BCORL1: variants seen among roughly 807,000 people sequenced by gnomAD.
The protein encoded by BCORL1 is BCL6 corepressor like 1.
In BCORL1, 7 loss-of-function variants were observed where a neutral mutation model predicts 87.6. The observed-to-expected ratio is 0.08, with a 90% confidence interval of 0.05 to 0.15. The LOEUF (loss-of-function observed/expected upper bound fraction) is 0.15, where lower values mean the gene tolerates loss of function less well. Among genes scored for constraint, BCORL1 ranks in the 10% least tolerant of loss-of-function variants. BCORL1 has a pLI of 1.00. For missense variants in BCORL1, 1,215 were observed against 1,499.7 expected (o/e 0.81, Z 3.13); for synonymous variants, 591 against 634.4 (o/e 0.93, Z 1.03).
At chrX:130,037,955 C>T (rs567897692) in intron 10 of BCORL1, among the ~76,000 whole-genome samples, 65 of 111,870 alleles carry the variant, frequency 5.8e-4, no homozygotes, top group African/African-American at 2.0e-3. Flanking sequence ...CACCAGACTG[C>T]GAGTTGCAGA....
chrX:130,037,423 T>C lies in BCORL1; in HGVS notation c.4584T>C (p.Asn1528=), dbSNP rs745843582. Residue 1528 remains asparagine, a synonymous_variant, in exon 10 of 14, where the codon AAT becomes AAC. Coordinates refer to ENST00000540052, the MANE Select transcript of BCORL1 (RefSeq NM_001379451.1). ...GTGAAGATGTGAATCACCGTGACAA[T>C]GCTGGCTACACAGCCCTGCATGAGG... is the stretch of plus-strand genomic sequence containing the variant. ...KDSEDVNHRD[N]AGYTALHEAC... 4 of 1,209,787 alleles carry C rather than the reference T, an allele frequency of 3.3e-6. No homozygotes were observed. Among genetic ancestry groups the C allele is most frequent in the Non-Finnish European group, 1.1e-6 (1 of 895,018 alleles).
intron 9 of BCORL1, among the ~76,000 whole-genome samples, chrX:130,036,720 T>C (rs28496585): frequency 0.11 from 12,004 of 112,291 alleles, 1,578 homozygotes; most frequent in African/African-American, 0.37. Flanking sequence ...ATCTCATTTC[T>C]CTGGTCTGGG....
At chrX:130,043,701 A>G (rs1931483526) in intron 11 of BCORL1, among the ~76,000 whole-genome samples, 1 of 89,791 alleles carries the variant, frequency 1.1e-5, no homozygotes, top group Non-Finnish European at 2.1e-5. Flanking sequence ...CAGCCTCCCC[A>G]CTAGCTGGGA....
In BCORL1 at chrX:130,012,977, A is replaced by G; in HGVS notation, c.205A>G (p.Ser69Gly). ...KVELTAVGSG[S>G]NARGADPDGS... ...GGAGCTCACGGCAGTTGGAAGTGGCAGCAATGCCCGGGGGGCAGACCCAGA... is the reference window on the plus strand; with the variant it reads ...GGAGCTCACGGCAGTTGGAAGTGGCGGCAATGCCCGGGGGGCAGACCCAGA... Residue 69 changes from serine (S) to glycine (G), a missense_variant, in exon 4 of 14, where the codon AGC (serine) becomes GGC (glycine). Physicochemically the swap from Ser to Gly is moderately conservative, Grantham distance 56. This residue lies in a region of BCORL1 where 861 missense variants were observed against 1,010.0 expected (regional missense o/e 0.85). Coordinates refer to ENST00000540052, the MANE Select transcript of BCORL1 (RefSeq NM_001379451.1). The G allele has an allele frequency of 8.3e-7, 1 of 1,199,182 alleles. No homozygotes were observed. Among genetic ancestry groups the G allele is most frequent in the Non-Finnish European group, 1.1e-6 (1 of 886,469 alleles).
intron 5 of BCORL1, among the ~76,000 whole-genome samples, chrX:130,022,351 G>C (rs1929910700): frequency 1.0e-5 from 1 of 98,149 alleles, no homozygotes; most frequent in South Asian, 5.1e-4. Flanking sequence ...AGGTTCAAGT[G>C]ATTCTCCTTC....
At chrX:130,032,503 C>T (rs59375598) in intron 8 of BCORL1, among the ~76,000 whole-genome samples, 6,625 of 111,476 alleles carry the variant, frequency 0.059, 512 homozygotes, top group African/African-American at 0.2. Context: ...GTCATTTCTG[C>T]AGTCTCCTGT....
At chrX:129,997,300 T>C (rs1927636579) in intron 1 of BCORL1, among the ~76,000 whole-genome samples, 1 of 111,453 alleles carries the variant, frequency 9.0e-6, no homozygotes, top group African/African-American at 3.3e-5. Flanking sequence ...TGGCCCATGA[T>C]GGTGAAATAT....
intron 1 of BCORL1, among the ~76,000 whole-genome samples, chrX:129,986,534 A>G (rs1926636324): frequency 8.9e-6 from 1 of 112,272 alleles, no homozygotes; most frequent in African/African-American, 3.2e-5. Flanking sequence ...ATAGAAAAAA[A>G]TGGGCCGGGT....
intron 7 of BCORL1, among the ~76,000 whole-genome samples, chrX:130,025,908 A>G (rs1374574574): frequency 9.0e-6 from 1 of 111,545 alleles, no homozygotes; most frequent in Non-Finnish European, 1.9e-5. Flanking sequence ...GTGATTATTC[A>G]GAGGCGGAGT....
At chrX:130,016,754 C>G (rs1929478463) in intron 4 of BCORL1, among the ~76,000 whole-genome samples, 1 of 111,298 alleles carries the variant, frequency 9.0e-6, no homozygotes, top group African/African-American at 3.3e-5. Flanking sequence ...CGCTCGAATG[C>G]TTGAGGCAGC....
At chrX:130,048,333 T>A (rs1403855376) in intron 11 of BCORL1, among the ~76,000 whole-genome samples, 1 of 111,975 alleles carries the variant, frequency 8.9e-6, no homozygotes, top group East Asian at 2.8e-4. Flanking sequence ...CACCCTCACC[T>A]CACCTGTGCC....
intron 11 of BCORL1, among the ~76,000 whole-genome samples, chrX:130,039,963 G>C (rs184195869): frequency 1.5e-3 from 166 of 112,775 alleles, no homozygotes; most frequent in African/African-American, 5.0e-3. Flanking sequence ...AGTTGGGCAG[G>C]GGGAGGAGGG....
At chrX:129,982,616 A>C (rs773798970), upstream of BCORL1, 1 of 109,580 alleles carries the variant, frequency 9.1e-6, no homozygotes, top group African/African-American at 3.3e-5. Flanking sequence ...AGACACACAC[A>C]CACACCGCTC....
chrX:130,056,139 G>C lies in BCORL1; in HGVS notation c.*3G>C. On this transcript the variant is annotated 3_prime_UTR_variant, in exon 14 of 14. Coordinates refer to ENST00000540052, the MANE Select transcript of BCORL1 (RefSeq NM_001379451.1). The stretch of plus-strand genomic sequence containing the variant: ...AATTCCAGTCTTGCAACAGTTGACC[G>C]GGAAAACAGCCCCTCCTCTTCTTTC... 8.6e-7 allele frequency: 1 copy of C among 1,160,563 alleles called. No individual in the cohort carries two copies. The highest frequency in any genetic ancestry group is 2.0e-5 in the South Asian group (1 of 49,666).
chrX:130,035,636 C>A (rs1930892500), intron 9 of BCORL1, among the ~76,000 whole-genome samples: 1 of 112,224 alleles, frequency 8.9e-6, no homozygotes, highest in Non-Finnish European at 1.9e-5. Flanking sequence ...GCAAGCAGCC[C>A]ATCTTTCATG....
At chrX:130,006,263 A>G (rs1928481510) in intron 2 of BCORL1, among the ~76,000 whole-genome samples, 1 of 111,349 alleles carries the variant, frequency 9.0e-6, no homozygotes, top group African/African-American at 3.3e-5. Context: ...ATCATGCCCC[A>G]TACCCAAAGC....
At position 129,992,457 on chromosome X, in the gene BCORL1, A is replaced by C. The variant is rs144512788; in HGVS notation, c.-45+9695A>C. On this transcript the variant is annotated intron_variant, in intron 1 of 13. Transcript: ENST00000540052. ...AGAGTTGAGACCCAGTCTTAAAATA[A>C]CAACAACAAACTCTTTGAGCTAATA... Among the ~76,000 whole-genome samples, 352 of 111,650 alleles carry C rather than the reference A, an allele frequency of 3.2e-3. 3 individuals are homozygous for C. The highest frequency in any genetic ancestry group is 0.011 in the African/African-American group (338 of 30,755).
intron 11 of BCORL1, among the ~76,000 whole-genome samples, chrX:130,040,773 A>C (rs1381430737): frequency 1.8e-5 from 2 of 111,322 alleles, no homozygotes; most frequent in Non-Finnish European, 3.8e-5. Context: ...GTACACATGC[A>C]CTCTCTCTTA....
intron 10 of BCORL1, among the ~76,000 whole-genome samples, chrX:130,038,562 A>C (rs2124536365): frequency 9.3e-6 from 1 of 107,849 alleles, no homozygotes; most frequent in Non-Finnish European, 1.9e-5. Context: ...GCTCGCTGCA[A>C]CCTCTGCCTC....
Sources: gnomAD v4.1 joint callset for allele counts (sites outside exome capture counted in the v4.1 genomes callset) on GRCh38, gnomAD v4.1.1 for gene constraint, gnomAD v4.1.1 regional missense constraint, MANE v1.5 for transcripts, NCBI Gene and HGNC (gene_info 2026-07-23, HGNC 2026-07-21) for gene names.